The following MME variants were observed in gnomAD, a reference collection of about 807,000 sequenced individuals.
The protein encoded by MME is neprilysin.
In MME, 98 loss-of-function variants were observed where a neutral mutation model predicts 113.2. That is an observed-to-expected ratio of 0.87 (90% CI 0.74 to 1.02). The LOEUF is 1.02. Among genes scored for constraint, MME ranks in the 50% least tolerant of loss-of-function variants. The probability of loss-of-function intolerance (pLI) is 0.00; values close to 1 mark genes in which losing one functional copy is unlikely to be tolerated. For synonymous variants in MME, 292 were observed against 300.6 expected, an observed-to-expected ratio of 0.97 and a Z score of 0.30; for missense variants, 836 against 896.0, an observed-to-expected ratio of 0.93 and a Z score of 0.86.
At position 155,143,590 on chromosome 3, in the gene MME, T is replaced by TA. The variant is rs750871808; in HGVS notation, c.1317+20dup. 1 of 1,609,476 alleles carries TA rather than the reference T, an allele frequency of 6.2e-7. No individual in the cohort carries two copies. The highest frequency in any genetic ancestry group is 1.3e-5 in the African/African-American group (1 of 74,750). On this transcript the variant is annotated intron_variant, in intron 13 of 22. Transcript: ENST00000360490. ...ACATGTGGTAATGTTTTCAGAATAA[T>TA]ACACTGTCAGTTATACAGGACACTA...
At chr3:155,171,537 T>C (rs904782203) in intron 20 of MME, among the ~76,000 whole-genome samples, 8 of 152,206 alleles carry the variant, frequency 5.3e-5, no homozygotes, top group Non-Finnish European at 8.8e-5. Flanking sequence ...TCAAATTACC[T>C]AAATATTTTC....
At chr3:155,133,039 T>TAAAAAA (rs796968290) in intron 8 of MME, among the ~76,000 whole-genome samples, 14 of 48,016 alleles carry the variant, frequency 2.9e-4, no homozygotes, top group Non-Finnish European at 3.1e-4. Context: ...AAACCCCGTC[T>TAAAAAA]AAAAAAAAAA....
chr3:155,062,205 C>T (rs1714173087), intron 1 of MME, among the ~76,000 whole-genome samples: 1 of 152,130 alleles, frequency 6.6e-6, no homozygotes, highest in African/African-American at 2.4e-5. Context: ...TTATATGTAT[C>T]TATCTACTTA....
intron 3 of MME, among the ~76,000 whole-genome samples, chr3:155,094,812 T>A (rs1440287557): frequency 6.6e-6 from 1 of 152,210 alleles, no homozygotes; most frequent in African/African-American, 2.4e-5. Flanking sequence ...CACTCACCCT[T>A]GCCAGTACCC....
chr3:155,181,541 T>G lies in MME; in HGVS notation c.*1082T>G, dbSNP rs188697530. On this transcript the variant is annotated 3_prime_UTR_variant, in exon 23 of 23. Coordinates refer to ENST00000360490, the MANE Select transcript of MME (RefSeq NM_007289.4). ...TCTGCATCTCCTGTCTTTTCAGGTT[T>G]GTCATCAGATGGAAATATTTTGATA... The G allele has an allele frequency of 1.1e-4, 17 of 152,276 alleles. 1 individual carries two copies. The East Asian group carries it at 2.9e-3, about 26-fold the overall frequency. 9.4% of individuals were successfully genotyped at this position (152,276 alleles called of 1,614,324 possible).
At chr3:155,155,557 G>A (rs1252729905) in intron 16 of MME, among the ~76,000 whole-genome samples, 1 of 152,062 alleles carries the variant, frequency 6.6e-6, no homozygotes, top group Non-Finnish European at 1.5e-5. Context: ...TCCCACCACT[G>A]GTCTTAGCCT....
chr3:155,112,955 A>T (rs1042378447), intron 3 of MME, among the ~76,000 whole-genome samples: 1 of 152,240 alleles, frequency 6.6e-6, no homozygotes, highest in Non-Finnish European at 1.5e-5. Context: ...GTAGTCTCAC[A>T]TTGAAGACAG....
At chr3:155,111,793 G>A (rs556482024) in intron 3 of MME, among the ~76,000 whole-genome samples, 11 of 152,280 alleles carry the variant, frequency 7.2e-5, no homozygotes, top group Admixed American at 2.6e-4. Flanking sequence ...GAAGAAAACA[G>A]AAGTGCCCCC....
chr3:155,029,812 ATACT>A (rs1369461156), intron 1 of MME, among the ~76,000 whole-genome samples: 3 of 152,202 alleles, frequency 2.0e-5, no homozygotes, highest in Admixed American at 2.0e-4. Flanking sequence ...TTCTGATAAA[ATACT>A]TAAGTACTTA....
intron 13 of MME, 124 bp from the exon 14 acceptor site, chr3:155,144,235 G>T: frequency 2.8e-6 from 2 of 720,702 alleles, no homozygotes; most frequent in Non-Finnish European, 5.0e-6. Context: ...GTCACAGTTT[G>T]TCTATAAATT....
intron 8 of MME, among the ~76,000 whole-genome samples, chr3:155,124,741 G>T (rs1270693475): frequency 6.6e-6 from 1 of 151,706 alleles, no homozygotes; most frequent in Non-Finnish European, 1.5e-5. Context: ...GGGGGTCAGG[G>T]GTCAGGGACC....
rs201933048 is a variant in MME, at chr3:155,116,778, T to A, written c.535+19T>A. The A allele has an allele frequency of 3.1e-6, 5 of 1,601,300 alleles. No homozygotes were observed. Among genetic ancestry groups the A allele is most frequent in the Non-Finnish European group, 4.3e-6 (5 of 1,168,856 alleles). On this transcript the variant is annotated intron_variant, in intron 6 of 22. Transcript: ENST00000360490. ...AAATATGGTAAGGCAATTTTCCTAC[T>A]AAAAAAGAAATTTCCATGTAAAATC... is the stretch of plus-strand genomic sequence containing the variant.
At chr3:155,133,062 A>AAAAAATATATATATATATAT (rs1553762419) in intron 8 of MME, among the ~76,000 whole-genome samples, 3 of 75,076 alleles carry the variant, frequency 4.0e-5, no homozygotes, top group East Asian at 6.4e-4. Flanking sequence ...AAAAAAAAAA[A>AAAAAATATATATATATATAT]ATATATATAT....
rs951662133 is a variant in MME, at chr3:155,168,403, A to T, written c.1781-89A>T. The T allele has an allele frequency of 3.7e-6, 4 of 1,091,564 alleles. No homozygotes were observed. In the African/African-American group the frequency reaches 6.3e-5, roughly 17 times the overall value. 67.6% of individuals were successfully genotyped at this position (1,091,564 alleles called of 1,614,324 possible). On this transcript the variant is annotated intron_variant, in intron 18 of 22. Transcript: ENST00000360490. Reference sequence around the variant, plus strand: ...CTAATTTAATGTTCTGTCACACAGCAGTATTTCAGTCCTTGCACTTTGAAT... The same window carrying T: ...CTAATTTAATGTTCTGTCACACAGCTGTATTTCAGTCCTTGCACTTTGAAT...
intron 8 of MME, among the ~76,000 whole-genome samples, chr3:155,119,962 T>C (rs1470235680): frequency 2.8e-5 from 2 of 70,928 alleles, no homozygotes; most frequent in Non-Finnish European, 5.7e-5. Context: ...ATGGTATTTC[T>C]AGTTCTAGAT....
At position 155,162,906 on chromosome 3, in the gene MME, G is replaced by A. The variant is rs553160740; in HGVS notation, c.1660+2458G>A. On this transcript the variant is annotated intron_variant, in intron 17 of 22. Coordinates refer to ENST00000360490, the MANE Select transcript of MME (RefSeq NM_007289.4). ...TGGGTGCCTGTAATCCCAGCTACTC[G>A]GAAGGCTGAGGCACGAGAATCGCTT... Among the ~76,000 whole-genome samples the A allele has an allele frequency of 4.6e-5, 7 of 151,142 alleles. No individual in the cohort carries two copies. In the South Asian group the frequency reaches 1.0e-3, roughly 23 times the overall value.
intron 3 of MME, among the ~76,000 whole-genome samples, chr3:155,092,652 C>G (rs1393089487): frequency 6.6e-6 from 1 of 152,122 alleles, no homozygotes; most frequent in Admixed American, 6.6e-5. Context: ...TAGCTATAAA[C>G]TACGATACCA....
rs775447012 is a variant in MME at position 155,172,528 on chromosome 3, A to G, written c.2077-8A>G. ...TACATGCTTTGCTTTTCCTATTCCT[A>G]TCTCTAGGTGTGGTGTGGAACCTAT... On this transcript the variant is annotated splice_region_variant and splice_polypyrimidine_tract_variant and intron_variant, in intron 21 of 22. Coordinates refer to ENST00000360490, the MANE Select transcript of MME (RefSeq NM_007289.4). 3.7e-6 allele frequency: 6 copies of G among 1,605,022 alleles called. No homozygotes were observed. Among genetic ancestry groups the G allele is most frequent in the East Asian group, 4.5e-5 (2 of 44,798 alleles).
upstream of MME, chr3:155,080,235 G>GT (rs1317884171): frequency 6.5e-6 from 1 of 152,844 alleles, no homozygotes; most frequent in African/African-American, 2.4e-5. Flanking sequence ...GACCTGAAGA[G>GT]TGAGGGGAGG....
Sources: gnomAD v4.1 joint callset for allele counts (sites outside exome capture counted in the v4.1 genomes callset) on GRCh38, gnomAD v4.1.1 for gene constraint, MANE v1.5 for transcripts, NCBI Gene and HGNC (gene_info 2026-07-23, HGNC 2026-07-21) for gene names.